PIK3C2G: variants seen among roughly 807,000 people sequenced by gnomAD.
PIK3C2G encodes phosphatidylinositol-4-phosphate 3-kinase catalytic subunit type 2 gamma.
In PIK3C2G, 168 loss-of-function variants were observed where a neutral mutation model predicts 181.1. The ratio of observed to expected loss-of-function variants is 0.93; its 90% confidence interval spans 0.82 to 1.05. PIK3C2G has a LOEUF of 1.05. PIK3C2G is among the 50% of genes least tolerant of loss of function. The pLI, the probability that PIK3C2G is intolerant of heterozygous loss-of-function variation, is 0.00. For synonymous variants in PIK3C2G, 573 were observed against 592.2 expected, an observed-to-expected ratio of 0.97 and a Z score of 0.47; for missense variants, 1,869 against 1,732.8, an observed-to-expected ratio of 1.08 and a Z score of -1.40.
the PIK3C2G span, among the ~76,000 whole-genome samples, chr12:18,682,565 A>C: frequency 2.0e-5 from 3 of 152,198 alleles, no homozygotes; most frequent in East Asian, 5.8e-4. Context: ...CCATCTTGAA[A>C]GTATATTTAG....
At chr12:18,463,565 T>A (rs758601095) in intron 18 of PIK3C2G, among the ~76,000 whole-genome samples, 1 of 152,180 alleles carries the variant, frequency 6.6e-6, no homozygotes. Flanking sequence ...AGCGATTATA[T>A]GATGGTCGTG....
intron 26 of PIK3C2G, among the ~76,000 whole-genome samples, chr12:18,558,575 TTG>T (rs1288839531): frequency 6.6e-6 from 1 of 152,202 alleles, no homozygotes; most frequent in Non-Finnish European, 1.5e-5. Flanking sequence ...TCTACTGACT[TTG>T]TGTCAGCCAC....
the PIK3C2G span, among the ~76,000 whole-genome samples, chr12:18,703,976 A>G: frequency 2.0e-5 from 3 of 152,234 alleles, no homozygotes; most frequent in Non-Finnish European, 4.4e-5. Flanking sequence ...AGACAATACT[A>G]TTCATCAAAA....
intron 20 of PIK3C2G, among the ~76,000 whole-genome samples, chr12:18,495,635 TTCTA>T (rs749963311): frequency 3.5e-4 from 54 of 152,254 alleles, no homozygotes; most frequent in Admixed American, 9.2e-4. Context: ...TTTCTTAACT[TTCTA>T]TCTATTTTTC....
chr12:18,358,024 A>G (rs1469031891), intron 11 of PIK3C2G, among the ~76,000 whole-genome samples: 2 of 152,228 alleles, frequency 1.3e-5, no homozygotes, highest in East Asian at 3.9e-4. Context: ...TTCTTTCTAC[A>G]TCATGGCTAC....
chr12:18,305,241 G>C (rs1405371191), intron 5 of PIK3C2G, among the ~76,000 whole-genome samples: 2 of 152,128 alleles, frequency 1.3e-5, no homozygotes, highest in African/African-American at 2.4e-5. Flanking sequence ...ACCTTCACTT[G>C]AGAGTGAAAT....
At chr12:18,294,044 T>G (rs1949829122) in intron 5 of PIK3C2G, 29 bp downstream of exon 5, 1 of 1,019,200 alleles carries the variant, frequency 9.8e-7, no homozygotes, top group African/African-American at 1.6e-5. Context: ...TTTGGTTGTA[T>G]TATAATCTGT....
rs753372217 is a variant in PIK3C2G at position 18,599,703 on chromosome 12, T to A, written c.4087+5134T>A. On this transcript the variant is annotated intron_variant, in intron 30 of 32. Transcript: ENST00000538779. ...AAATAAAAAAAAATAAAAATAAAAA[T>A]AAAGAAAACACACCTAAAACAAAGT... Among the ~76,000 whole-genome samples the A allele has an allele frequency of 6.2e-3, 924 of 148,290 alleles. 3 individuals are homozygous for A. The highest frequency in any genetic ancestry group is 0.01 in the Middle Eastern group (3 of 288).
intron 18 of PIK3C2G, among the ~76,000 whole-genome samples, chr12:18,486,180 C>T (rs1940010033): frequency 6.6e-6 from 1 of 152,098 alleles, no homozygotes; most frequent in African/African-American, 2.4e-5. Context: ...GAGTAAAAAG[C>T]CATGGATCTT....
chr12:18,497,828 C>A, intron 22 of PIK3C2G, 80 bp downstream of exon 22: 1 of 1,096,616 alleles, frequency 9.1e-7, no homozygotes. Flanking sequence ...AAACTTTCTC[C>A]AGCTTTCGTT....
upstream of PIK3C2G, among the ~76,000 whole-genome samples, chr12:18,261,207 C>T (rs1948222990): frequency 6.6e-6 from 1 of 152,046 alleles, no homozygotes. Context: ...ATAACCTTAG[C>T]TGTAATTTGA....
intron 31 of PIK3C2G, among the ~76,000 whole-genome samples, chr12:18,625,024 A>G (rs1949031171): frequency 6.6e-6 from 1 of 151,414 alleles, no homozygotes; most frequent in African/African-American, 2.4e-5. Context: ...TTGTAGTCTC[A>G]TCTATTTCTG....
At chr12:18,345,998 C>T (rs1410928436) in intron 10 of PIK3C2G, among the ~76,000 whole-genome samples, 1 of 152,124 alleles carries the variant, frequency 6.6e-6, no homozygotes, top group Non-Finnish European at 1.5e-5. Context: ...TTTCATTTTT[C>T]TTCTTTCATG....
At chr12:18,346,244 T>C (rs1565620715) in intron 10 of PIK3C2G, among the ~76,000 whole-genome samples, 1 of 152,216 alleles carries the variant, frequency 6.6e-6, no homozygotes, top group East Asian at 1.9e-4. Flanking sequence ...TATGATTAAT[T>C]CTTTAGATGG....
chr12:18,257,623 C>T (rs1034537408), upstream of PIK3C2G, among the ~76,000 whole-genome samples: 3 of 139,412 alleles, frequency 2.2e-5, no homozygotes, highest in Non-Finnish European at 3.0e-5. Flanking sequence ...TGCCAGTACA[C>T]GAGAGGGAAA....
chr12:18,513,360 GA>G (rs1942333708), intron 24 of PIK3C2G, among the ~76,000 whole-genome samples: 2 of 136,662 alleles, frequency 1.5e-5, no homozygotes, highest in Non-Finnish European at 3.1e-5. Flanking sequence ...GGAAGAGTTT[GA>G]AAAGAATTGG....
chr12:18,303,138 C>CTTTCTTTCTTTCT (rs1422309361), intron 5 of PIK3C2G, among the ~76,000 whole-genome samples: 8 of 131,194 alleles, frequency 6.1e-5, no homozygotes, highest in South Asian at 2.4e-4. Context: ...TTCTTTCTTT[C>CTTTCTTTCTTTCT]TTTTCTTTTC....
chr12:18,489,606 T>TAG (rs1940370447), intron 19 of PIK3C2G, among the ~76,000 whole-genome samples: 1 of 152,078 alleles, frequency 6.6e-6, no homozygotes, highest in African/African-American at 2.4e-5. Flanking sequence ...ATGGGAGATA[T>TAG]ATAGACTCCA....
intron 1 of PIK3C2G, among the ~76,000 whole-genome samples, chr12:18,261,963 T>C (rs917933617): frequency 2.8e-4 from 42 of 152,126 alleles, no homozygotes; most frequent in African/African-American, 9.2e-4. Context: ...AGTGTACACT[T>C]TTAGTGTCTT....
Sources: allele counts gnomAD v4.1 joint callset (sites outside exome capture counted in the v4.1 genomes callset), GRCh38; gene constraint gnomAD v4.1.1; transcripts MANE v1.5; gene names NCBI Gene and HGNC (gene_info 2026-07-23, HGNC 2026-07-21).